AMN: variants seen among roughly 807,000 people sequenced by gnomAD.
AMN encodes the protein amnion associated transmembrane protein, also known as protein amnionless.
A neutral mutation model predicts 49.1 loss-of-function variants in AMN; 40 were observed. That is an observed-to-expected ratio of 0.81 (90% CI 0.63 to 1.06). The LOEUF is 1.06. AMN is among the 50% of genes least tolerant of loss of function. AMN has a pLI of 0.00. For synonymous variants in AMN, 380 were observed against 313.3 expected, an observed-to-expected ratio of 1.21 and a Z score of -2.25; for missense variants, 701 against 662.8, an observed-to-expected ratio of 1.06 and a Z score of -0.63.
chr14:102,928,316 C>T, intron 3 of AMN, 110 bp from the exon 4 acceptor site: 2 of 1,007,460 alleles, frequency 2.0e-6, no homozygotes, highest in Non-Finnish European at 3.0e-6. Flanking sequence ...CGCCCGGGCT[C>T]CTTCCGTGCA....
Position 102,922,844 on chromosome 14 carries a change from G to A in AMN, c.43+113G>A, listed in dbSNP as rs1449702178. ...GATCTTCCGAGGAGTGGGCAGGGAGGGCTTTGGAGGGTTGGGGGCGTGAAA... is the reference window on the plus strand; with the variant it reads ...GATCTTCCGAGGAGTGGGCAGGGAGAGCTTTGGAGGGTTGGGGGCGTGAAA... On this transcript the variant is annotated intron_variant, in intron 1 of 11. Coordinates refer to ENST00000299155, the MANE Select transcript of AMN (RefSeq NM_030943.4). The A allele has an allele frequency of 9.2e-6, 13 of 1,416,724 alleles. No individual in the cohort carries two copies. In the South Asian group the frequency reaches 1.3e-4, roughly 14 times the overall value. The allele number at this position is 1,416,724 out of a possible 1,614,324, so 87.8% of individuals were successfully genotyped here.
intron 1 of AMN, 158 bp downstream of exon 1, chr14:102,922,889 T>C: frequency 4.7e-6 from 5 of 1,053,130 alleles, no homozygotes; most frequent in South Asian, 1.6e-5. Context: ...GCCTCCCTCG[T>C]CTGGCGAGTG....
chr14:102,924,389 A>C (rs773903903), intron 3 of AMN, among the ~76,000 whole-genome samples: 1 of 152,136 alleles, frequency 6.6e-6, no homozygotes, highest in Non-Finnish European at 1.5e-5. Flanking sequence ...GCCTGTTAGG[A>C]AGTGGCCGCC....
intron 2 of AMN, 28 bp downstream of exon 2, chr14:102,923,857 G>A (rs1470978325): frequency 1.2e-6 from 2 of 1,612,710 alleles, no homozygotes; most frequent in Admixed American, 3.3e-5. Context: ...CGGGGTCGGT[G>A]ATGGGCCTGG....
Position 102,930,020 on chromosome 14 carries a change from A to T in AMN, c.940A>T (p.Asn314Tyr), listed in dbSNP as rs1406068717. 6.4e-7 allele frequency: 1 copy of T among 1,555,484 alleles called. No individual in the cohort carries two copies. Among genetic ancestry groups the T allele is most frequent in the African/African-American group, 1.4e-5 (1 of 73,222 alleles). Residue 314 changes from asparagine (N) to tyrosine (Y), a missense_variant, in exon 9 of 12, where the codon AAT (asparagine) becomes TAT (tyrosine). Transcript: ENST00000299155. ...GGAGATCCAGGTGGTGCTGGTGGAG[A>T]ATGGGCCCGAGACAGGCGGAGCGGG... The part of the protein sequence containing the change: ...DTEIQVVLVE[N>Y]GPETGGAGRL...
Position 102,923,730 on chromosome 14 carries a change from C to T in AMN, c.63C>T (p.Ser21=), listed in dbSNP as rs150802428. The part of the protein sequence containing the change: ...LQLCALTQAV[S]KLWVPNTDFD... Reference sequence around the variant, plus strand: ...CCCCAGCACTGACCCAGGCGGTCTCCAAACTCTGGGTCCCCAACACGGACT... The same window carrying T: ...CCCCAGCACTGACCCAGGCGGTCTCTAAACTCTGGGTCCCCAACACGGACT... The change falls in exon 2 of 12, where the codon TCC becomes TCT. Residue 21 remains serine (S), a synonymous_variant. Transcript: ENST00000299155. 8.5e-5 allele frequency: 137 copies of T among 1,612,818 alleles called. 1 individual carries two copies. The African/African-American group carries it at 1.7e-3, about 20-fold the overall frequency.
Position 102,930,454 on chromosome 14 carries a change from C to T in AMN, c.1218C>T (p.Phe406=). ...CCCCGGCTGGAGCGCCCCTCGGCTT[C>T]CGCAACCCGGTGTTCGACGTGACGG... ...AAAPAGAPLG[F]RNPVFDVTAS... The change falls in exon 11 of 12, where the codon TTC becomes TTT. Residue 406 remains phenylalanine, a synonymous_variant. Coordinates refer to ENST00000299155, the MANE Select transcript of AMN (RefSeq NM_030943.4). The T allele has an allele frequency of 2.6e-6, 4 of 1,529,096 alleles. No homozygotes were observed. Among genetic ancestry groups the T allele is most frequent in the Non-Finnish European group, 2.6e-6 (3 of 1,141,890 alleles). 94.7% of individuals were successfully genotyped at this position (1,529,096 alleles called of 1,614,324 possible). A position where few individuals can be genotyped will look rare whatever the true frequency, so the allele number is the denominator to read the frequency against.
chr14:102,922,952 AGGGGCTCC>A (rs1891093412), intron 1 of AMN: 2 of 616,864 alleles, frequency 3.2e-6, no homozygotes, highest in South Asian at 5.0e-5. Context: ...AGAGGAGAGG[AGGGGCTCC>A]GGGAACCTCG....
At position 102,930,334 on chromosome 14, in the gene AMN, G is replaced by T; in HGVS notation, c.1169+7G>T. On this transcript the variant is annotated splice_region_variant and intron_variant, in intron 10 of 11. Coordinates refer to ENST00000299155, the MANE Select transcript of AMN (RefSeq NM_030943.4). ...GCCGCGCGGGGAGGCTCAGGTACGC[G>T]GGGCGGGGGCGCGGAGGTGGGGCTG... is the stretch of plus-strand genomic sequence containing the variant. 1 of 1,394,656 alleles carries T rather than the reference G, an allele frequency of 7.2e-7. No individual in the cohort carries two copies. Among genetic ancestry groups the T allele is most frequent in the East Asian group, 3.0e-5 (1 of 33,128 alleles). The allele number at this position is 1,394,656 out of a possible 1,614,324, so 86.4% of individuals were successfully genotyped here.
chr14:102,928,708 G>GCGTGC (rs1248028726), intron 4 of AMN, 50 bp from the exon 5 acceptor site: 4 of 1,575,942 alleles, frequency 2.5e-6, no homozygotes. Context: ...GCGTGGCGTG[G>GCGTGC]TGTGGCGCGG....
intron 3 of AMN, among the ~76,000 whole-genome samples, chr14:102,925,655 A>G (rs972176285): frequency 2.6e-5 from 4 of 152,044 alleles, no homozygotes; most frequent in African/African-American, 9.7e-5. Context: ...CGGCCTCCTT[A>G]CTTTCATGAT....
chr14:102,929,790 C>T (rs1891291026), intron 8 of AMN, 53 bp downstream of exon 8: 1 of 1,545,532 alleles, frequency 6.5e-7, no homozygotes, highest in Non-Finnish European at 8.7e-7. Context: ...GCCCTACCGC[C>T]TCCGCCTAGG....
chr14:102,922,789 G>A (rs532118413), intron 1 of AMN, 58 bp downstream of exon 1: 80 of 1,543,576 alleles, frequency 5.2e-5, no homozygotes, highest in Middle Eastern at 2.2e-4. Flanking sequence ...AGGACCCAGG[G>A]CCGAGGTCGC....
chr14:102,924,823 T>C (rs761058163), intron 3 of AMN, among the ~76,000 whole-genome samples: 13 of 152,190 alleles, frequency 8.5e-5, no homozygotes, highest in African/African-American at 2.4e-5. Context: ...TTTCCTTGTT[T>C]AAGGTGGAGT....
chr14:102,922,840 G>A (rs1422074635), intron 1 of AMN, 109 bp downstream of exon 1: 1 of 1,412,136 alleles, frequency 7.1e-7, no homozygotes, highest in African/African-American at 1.4e-5. Context: ...GAGTGGGCAG[G>A]GAGGGCTTTG....
At chr14:102,925,912 A>G (rs1190229) in intron 3 of AMN, among the ~76,000 whole-genome samples, 102,363 of 152,036 alleles carry the variant, frequency 0.67, 35,516 homozygotes, top group African/African-American at 0.85. Flanking sequence ...TGCCTAGATG[A>G]GGCCCGAGTA....
In AMN at chr14:102,930,710, C is replaced by G. The variant is rs752598337; in HGVS notation, c.*30C>G. On this transcript the variant is annotated 3_prime_UTR_variant, in exon 12 of 12. Coordinates refer to ENST00000299155, the MANE Select transcript of AMN (RefSeq NM_030943.4). ...CCGCCTGACCGTCGACCTTGGGGCT[C>G]TCCACCCGCTCTGGCCCCAGTCGAA... 24 of 1,553,070 alleles carry G rather than the reference C, an allele frequency of 1.5e-5. No homozygotes were observed. The highest frequency in any genetic ancestry group is 1.6e-5 in the Non-Finnish European group (18 of 1,149,486).
intron 1 of AMN, chr14:102,923,241 C>T (rs867670441): frequency 3.7e-5 from 10 of 268,420 alleles, no homozygotes; most frequent in Middle Eastern, 1.4e-3. Flanking sequence ...CTGGTCCTGC[C>T]GCCCCCAGCC....
intron 3 of AMN, among the ~76,000 whole-genome samples, chr14:102,928,101 C>T (rs1162834721): frequency 8.5e-5 from 13 of 152,252 alleles, no homozygotes; most frequent in Non-Finnish European, 8.8e-5. Flanking sequence ...AGGCCCTGGC[C>T]AGAGTCACCT....
Sources: gnomAD v4.1 joint callset for allele counts (sites outside exome capture counted in the v4.1 genomes callset) on GRCh38, gnomAD v4.1.1 for gene constraint, MANE v1.5 for transcripts, NCBI Gene and HGNC (gene_info 2026-07-23, HGNC 2026-07-21) for gene names.